The following SPATS2 variants were observed in gnomAD, a reference collection of about 807,000 sequenced individuals.
The protein encoded by SPATS2 is spermatogenesis-associated serine-rich protein 2.
SPATS2 carries 38 observed loss-of-function variants against 63.7 expected under a neutral mutation model. The observed-to-expected ratio is 0.60, with a 90% CI of 0.46 to 0.78. SPATS2 has a LOEUF of 0.78. Ranked by LOEUF, SPATS2 falls within the 30% of genes least tolerant of loss-of-function variation. The pLI, the probability that SPATS2 is intolerant of heterozygous loss-of-function variation, is 0.00. For synonymous variants in SPATS2, 207 were observed against 232.9 expected, an observed-to-expected ratio of 0.89 and a Z score of 1.01; for missense variants, 588 against 666.2, an observed-to-expected ratio of 0.88 and a Z score of 1.29.
chr12:49,453,856 CTTTTTT>C (rs869155580), intron 2 of SPATS2, among the ~76,000 whole-genome samples: 18 of 76,202 alleles, frequency 2.4e-4, no homozygotes, highest in Middle Eastern at 0.014. Flanking sequence ...AAATAGCATT[CTTTTTT>C]TTTTTTTTTT....
At chr12:49,509,007 T>C (rs1482101069) in intron 9 of SPATS2, among the ~76,000 whole-genome samples, 2 of 151,950 alleles carry the variant, frequency 1.3e-5, no homozygotes, top group Admixed American at 6.6e-5. Context: ...AAGGTTGCAG[T>C]GAGCCGAGAT....
At position 49,367,504 on chromosome 12, in the gene SPATS2, C is replaced by T. The variant is rs567724963; in HGVS notation, c.-390C>T. 16 of 399,116 alleles carry T rather than the reference C, an allele frequency of 4.0e-5. No homozygotes were observed. The highest frequency in any genetic ancestry group is 6.3e-4 in the Middle Eastern group (1 of 1,600). 24.7% of individuals were successfully genotyped at this position (399,116 alleles called of 1,614,324 possible). A position where few individuals can be genotyped will look rare whatever the true frequency, so the allele number is the denominator to read the frequency against. On this transcript the variant is annotated 5_prime_UTR_variant, in exon 1 of 14. Coordinates refer to ENST00000552918, the MANE Select transcript of SPATS2 (RefSeq NM_023071.4). ...CTCTAGAAGGGGAGGTGGAGGATCT[C>T]CTTTCCTCTTCTCAGACCCGGGAGC...
intron 3 of SPATS2, among the ~76,000 whole-genome samples, chr12:49,481,628 T>G (rs1361181021): frequency 1.3e-5 from 2 of 151,690 alleles, no homozygotes; most frequent in African/African-American, 4.8e-5. Flanking sequence ...CCACCATGCC[T>G]GGCTAATTTT....
At chr12:49,412,318 C>G (rs1344067584) in intron 2 of SPATS2, among the ~76,000 whole-genome samples, 1 of 151,862 alleles carries the variant, frequency 6.6e-6, no homozygotes, top group Non-Finnish European at 1.5e-5. Context: ...CCTCAGCCTC[C>G]CGAGTAGCTG....
intron 2 of SPATS2, among the ~76,000 whole-genome samples, chr12:49,435,417 GC>G (rs1945258814): frequency 6.6e-6 from 1 of 151,438 alleles, no homozygotes; most frequent in Admixed American, 6.6e-5. Flanking sequence ...TTGTCTCCTG[GC>G]CTCAAGCAAT....
At chr12:49,393,099 C>T (rs1239250607) in intron 2 of SPATS2, among the ~76,000 whole-genome samples, 1 of 152,092 alleles carries the variant, frequency 6.6e-6, no homozygotes, top group Non-Finnish European at 1.5e-5. Flanking sequence ...AGTGCTTTGT[C>T]TCACCTTAAT....
intron 9 of SPATS2, among the ~76,000 whole-genome samples, chr12:49,500,409 C>T (rs1171934574): frequency 6.6e-6 from 1 of 152,126 alleles, no homozygotes; most frequent in Non-Finnish European, 1.5e-5. Flanking sequence ...TCACAATGCT[C>T]TAGAAATGAG....
intron 2 of SPATS2, among the ~76,000 whole-genome samples, chr12:49,374,859 G>A (rs568749056): frequency 6.6e-6 from 1 of 150,702 alleles, no homozygotes; most frequent in African/African-American, 2.5e-5. Context: ...TACTCAGGAG[G>A]CTGAGGCAGG....
chr12:49,508,368 C>T (rs1372885235), intron 9 of SPATS2, among the ~76,000 whole-genome samples: 25 of 152,088 alleles, frequency 1.6e-4, no homozygotes, highest in African/African-American at 5.8e-4. Context: ...CCACTACACC[C>T]GGCTAATTTT....
intron 2 of SPATS2, among the ~76,000 whole-genome samples, chr12:49,423,139 T>C (rs1361131513): frequency 6.6e-6 from 1 of 152,000 alleles, no homozygotes; most frequent in South Asian, 2.1e-4. Flanking sequence ...TAATACTGTT[T>C]TTGTTTTTTT....
intron 2 of SPATS2, among the ~76,000 whole-genome samples, chr12:49,449,050 A>T (rs567238011): frequency 7.2e-5 from 11 of 152,362 alleles, no homozygotes; most frequent in Admixed American, 5.2e-4. Flanking sequence ...ATTTACAAAA[A>T]CAGGCAGTAG....
intron 2 of SPATS2, among the ~76,000 whole-genome samples, chr12:49,376,747 T>A (rs1030248867): frequency 1.2e-4 from 15 of 121,358 alleles, no homozygotes; most frequent in African/African-American, 4.8e-4. Flanking sequence ...AGACGGAGTC[T>A]CACTCTGTCG....
At chr12:49,487,521 C>G (rs887887759) in intron 4 of SPATS2, among the ~76,000 whole-genome samples, 3 of 152,102 alleles carry the variant, frequency 2.0e-5, no homozygotes, top group Admixed American at 2.0e-4. Context: ...AAGATTTATT[C>G]TAGTTCACCC....
intron 2 of SPATS2, among the ~76,000 whole-genome samples, chr12:49,395,167 TA>T (rs1190953472): frequency 6.6e-6 from 1 of 152,052 alleles, no homozygotes. Context: ...TAATTTAAAG[TA>T]TTTTTTTATT....
chr12:49,403,756 A>G (rs1944649142), intron 2 of SPATS2, among the ~76,000 whole-genome samples: 1 of 152,078 alleles, frequency 6.6e-6, no homozygotes, highest in Non-Finnish European at 1.5e-5. Flanking sequence ...TGACAGCAAG[A>G]TTATAGTAAG....
At chr12:49,488,219 A>G (rs1274691103) in intron 4 of SPATS2, among the ~76,000 whole-genome samples, 1 of 151,184 alleles carries the variant, frequency 6.6e-6, no homozygotes, top group African/African-American at 2.4e-5. Flanking sequence ...TAATTTTTGT[A>G]TTTTCAGTAG....
At chr12:49,432,731 C>T (rs1945207099) in intron 2 of SPATS2, among the ~76,000 whole-genome samples, 1 of 152,158 alleles carries the variant, frequency 6.6e-6, no homozygotes, top group South Asian at 2.1e-4. Context: ...CAAGGTTCCT[C>T]CATGTTGTAG....
intron 3 of SPATS2, among the ~76,000 whole-genome samples, chr12:49,483,007 T>C (rs1467430151): frequency 6.6e-6 from 1 of 151,314 alleles, no homozygotes; most frequent in Non-Finnish European, 1.5e-5. Context: ...CAGGCTGCTC[T>C]TGAACTTCTG....
chr12:49,469,232 T>C (rs1334318333), intron 3 of SPATS2, among the ~76,000 whole-genome samples: 1 of 151,108 alleles, frequency 6.6e-6, no homozygotes, highest in African/African-American at 2.4e-5. Context: ...ACCCAGTCTC[T>C]ACCAAAAATT....
Sources: gnomAD v4.1 joint callset for allele counts (sites outside exome capture counted in the v4.1 genomes callset) on GRCh38, gnomAD v4.1.1 for gene constraint, MANE v1.5 for transcripts, NCBI Gene and HGNC (gene_info 2026-07-23, HGNC 2026-07-21) for gene names.